The following LAMA4 variants were observed in gnomAD, a reference collection of about 807,000 sequenced individuals.
LAMA4 encodes the protein laminin subunit alpha 4.
In LAMA4, 127 loss-of-function variants were observed where a neutral mutation model predicts 207.1. The ratio of observed to expected loss-of-function variants is 0.61; its 90% CI spans 0.53 to 0.71. The LOEUF (loss-of-function observed/expected upper bound fraction) is 0.71. LAMA4 is among the 30% of genes least tolerant of loss of function. LAMA4 has a pLI of 0.00. For synonymous variants in LAMA4, 761 were observed against 816.0 expected (o/e 0.93, Z 1.15); for missense variants, 2,093 against 2,246.5 (o/e 0.93, Z 1.38).
At chr6:112,247,768 TCAAA>T (rs1327145355) in intron 2 of LAMA4, among the ~76,000 whole-genome samples, 2 of 152,100 alleles carry the variant, frequency 1.3e-5, no homozygotes, top group African/African-American at 4.8e-5. Context: ...AAGCAAGAAC[TCAAA>T]CAGAGGCTTG....
At chr6:112,156,686 C>G (rs1780735971) in intron 14 of LAMA4, among the ~76,000 whole-genome samples, 1 of 152,076 alleles carries the variant, frequency 6.6e-6, no homozygotes, top group Non-Finnish European at 1.5e-5. Context: ...TCCAGAAGGT[C>G]CTCCGTGACC....
chr6:112,226,262 C>A (rs1436471219), intron 2 of LAMA4, among the ~76,000 whole-genome samples: 3 of 152,292 alleles, frequency 2.0e-5, no homozygotes, highest in Admixed American at 2.0e-4. Flanking sequence ...TCATTCATTA[C>A]CTACATGAAT....
At chr6:112,200,063 T>C in intron 5 of LAMA4, 1 of 527,644 alleles carries the variant, frequency 1.9e-6, no homozygotes, top group South Asian at 1.4e-5. Context: ...AGAGACTCTT[T>C]GAGCAAAAGC....
chr6:112,131,584 TA>T (rs1281856403), intron 28 of LAMA4, among the ~76,000 whole-genome samples: 6 of 152,136 alleles, frequency 3.9e-5, no homozygotes, highest in African/African-American at 1.4e-4. Flanking sequence ...TTGCTTGTCT[TA>T]AAATATTTGG....
rs1277273509 is a variant in LAMA4 at position 112,117,147 on chromosome 6, T to C, written c.4981+592A>G. 6.6e-6 allele frequency among the ~76,000 whole-genome samples: 1 copy of C among 152,180 alleles called. No homozygotes were observed. Among genetic ancestry groups the C allele is most frequent in the Non-Finnish European group, 1.5e-5 (1 of 68,024 alleles). ...CCAGCGATTGCTCCATAGAATATTC[T>C]TGGAATGAATTAGATGATGATTGTG... On this transcript the variant is annotated intron_variant, in intron 35 of 38. Transcript: ENST00000230538. This position sits in a 1 kb window ranked among gnomAD's most constrained non-coding sequence, Gnocchi z 4.5.
rs1169041923 is a variant in LAMA4, at chr6:112,254,127, G to A, written c.24C>T (p.Arg8=). Residue 8 remains arginine (R), a synonymous_variant, in exon 2 of 39, where the codon CGC becomes CGT. Coordinates refer to ENST00000230538, the MANE Select transcript of LAMA4 (RefSeq NM_001105206.3). Reference sequence around the variant, plus strand: ...AGAGGAGCCACAGAGGCAGAACCGAGCGCCAGGCTGAGCTCAAAGCCATTT... The same window carrying A: ...AGAGGAGCCACAGAGGCAGAACCGAACGCCAGGCTGAGCTCAAAGCCATTT... MALSSAW[R]SVLPLWLLWS... The A allele has an allele frequency of 6.2e-7, 1 of 1,612,986 alleles. No homozygotes were observed. Among genetic ancestry groups the A allele is most frequent in the Non-Finnish European group, 8.5e-7 (1 of 1,179,976 alleles).
chr6:112,207,279 C>G, intron 3 of LAMA4, 134 bp from the exon 4 acceptor site: 1 of 968,710 alleles, frequency 1.0e-6, no homozygotes, highest in Non-Finnish European at 1.6e-6. Context: ...TGCGGCAGTA[C>G]AGATTAGCAT....
In LAMA4 at chr6:112,110,580, G is replaced by A. The variant is rs192333842; in HGVS notation, c.5327-998C>T. Among the ~76,000 whole-genome samples the A allele has an allele frequency of 8.5e-5, 13 of 152,230 alleles. No homozygotes were observed. In the East Asian group the frequency reaches 2.5e-3, roughly 29 times the overall value. On this transcript the variant is annotated intron_variant, in intron 38 of 38. Coordinates refer to ENST00000230538, the MANE Select transcript of LAMA4 (RefSeq NM_001105206.3). ...TCATAAAAGTTTTAGATTTGGAAGG[G>A]GCCTGAGAGATCAATTCCCTTTATT...
chr6:112,128,919 T>C lies in LAMA4; in HGVS notation c.4287+3A>G, dbSNP rs1778859171. 1 of 1,612,330 alleles carries C rather than the reference T, an allele frequency of 6.2e-7. No homozygotes were observed. The highest frequency in any genetic ancestry group is 8.5e-7 in the Non-Finnish European group (1 of 1,178,632). On this transcript the variant is annotated splice_donor_region_variant and intron_variant, in intron 31 of 38. Transcript: ENST00000230538. ...AGGAAGTCAGAACGGCATTATCTTT[T>C]ACCTTTTTATTCTGACTTGCTTTAG...
At chr6:112,253,377 T>C (rs1378690191) in intron 2 of LAMA4, 2 of 265,732 alleles carry the variant, frequency 7.5e-6, no homozygotes, top group Non-Finnish European at 1.5e-5. Context: ...GGCTTGATTT[T>C]AATGGAAACA....
intron 8 of LAMA4, 86 bp downstream of exon 8, chr6:112,187,364 T>C: frequency 8.1e-6 from 12 of 1,486,140 alleles, no homozygotes; most frequent in Non-Finnish European, 1.1e-5. Flanking sequence ...GAGACTCAGA[T>C]ACAAAAAGGG....
Position 112,142,266 on chromosome 6 carries a change from G to A in LAMA4, c.2520C>T (p.Gly840=). Residue 840 remains glycine, a synonymous_variant, in exon 20 of 39, where the codon GGC becomes GGT. Coordinates refer to ENST00000230538, the MANE Select transcript of LAMA4 (RefSeq NM_001105206.3). Reference sequence around the variant, plus strand: ...TCGAGTGCACTTCCACAGCTGACTGGCCATCAAACATCATGGAGACTTGGA... The same window carrying A: ...TCGAGTGCACTTCCACAGCTGACTGACCATCAAACATCATGGAGACTTGGA... The part of the protein sequence containing the change: ...SKIQVSMMFD[G]QSAVEVHSRT... 1.2e-6 allele frequency: 2 copies of A among 1,614,018 alleles called. No individual in the cohort carries two copies. The highest frequency in any genetic ancestry group is 1.7e-6 in the Non-Finnish European group (2 of 1,179,980).
At chr6:112,133,795 T>G (rs1779182055) in intron 26 of LAMA4, among the ~76,000 whole-genome samples, 2 of 152,354 alleles carry the variant, frequency 1.3e-5, no homozygotes, top group South Asian at 4.1e-4. Context: ...CAGACGATTA[T>G]TAGGTTGAAT....
At position 112,154,656 on chromosome 6, in the gene LAMA4, A is replaced by AT. The variant is rs11332305; in HGVS notation, c.2056+194dup. The AT allele has an allele frequency of 0.25, 141,918 of 558,454 alleles. 11,336 individuals are homozygous for AT. The highest frequency in any genetic ancestry group is 0.38 in the East Asian group (12,103 of 32,128). The allele number at this position is 558,454 out of a possible 1,614,324, so 34.6% of individuals were successfully genotyped here. A position where few individuals can be genotyped will look rare whatever the true frequency, so the allele number is the denominator to read the frequency against. On this transcript the variant is annotated intron_variant, in intron 16 of 38. Coordinates refer to ENST00000230538, the MANE Select transcript of LAMA4 (RefSeq NM_001105206.3). ...GTTTCCATGTAGTTTACTACATAGCATTTTTTTTTTCAATCACAATTTAAA... is the reference window on the plus strand; with the variant it reads ...GTTTCCATGTAGTTTACTACATAGCATTTTTTTTTTTCAATCACAATTTAAA...
chr6:112,144,770 CTGAT>C lies in LAMA4; in HGVS notation c.2493+20_2493+23del. On this transcript the variant is annotated intron_variant, in intron 19 of 38. Coordinates refer to ENST00000230538, the MANE Select transcript of LAMA4 (RefSeq NM_001105206.3). ...TCGTGTTATTATTACCGCTGACTGA[CTGAT>C]GAGTCTTTTCATCAGTTACCTTGCT... The C allele has an allele frequency of 6.2e-7, 1 of 1,611,866 alleles. No individual in the cohort carries two copies. Among genetic ancestry groups the C allele is most frequent in the African/African-American group, 1.3e-5 (1 of 75,010 alleles).
intron 2 of LAMA4, among the ~76,000 whole-genome samples, chr6:112,226,119 G>A (rs889899293): frequency 2.5e-4 from 38 of 151,944 alleles, no homozygotes; most frequent in Admixed American, 1.0e-3. Context: ...TTTCTCTCTC[G>A]GATAATTATA....
chr6:112,214,427 C>T (rs1235385569), intron 3 of LAMA4, among the ~76,000 whole-genome samples: 13 of 152,076 alleles, frequency 8.5e-5, no homozygotes, highest in African/African-American at 2.9e-4. Context: ...AAGAATATAT[C>T]TATATGTGTC....
At chr6:112,213,797 T>A (rs1784480053) in intron 3 of LAMA4, 1 of 376,162 alleles carries the variant, frequency 2.7e-6, no homozygotes, top group Admixed American at 4.5e-5. Context: ...CAGTTGAAGG[T>A]GAACAAGGCA....
intron 2 of LAMA4, chr6:112,216,777 G>A: frequency 1.1e-5 from 4 of 366,046 alleles, no homozygotes; most frequent in Middle Eastern, 9.4e-4. Flanking sequence ...TAACAGTAAG[G>A]GAGAAAAAAA....
Sources: gnomAD v4.1 joint callset for allele counts (sites outside exome capture counted in the v4.1 genomes callset) on GRCh38, gnomAD v4.1.1 for gene constraint, Gnocchi (gnomAD v3.1) non-coding constraint, MANE v1.5 for transcripts, NCBI Gene and HGNC (gene_info 2026-07-23, HGNC 2026-07-21) for gene names.